Variants in DNAH7 observed in about 807,000 individuals in gnomAD.
The protein encoded by DNAH7 is axonemal beta dynein heavy chain 7.
In DNAH7, 397 loss-of-function variants were observed where a neutral mutation model predicts 444.6. That is an observed-to-expected ratio of 0.89 (90% CI 0.82 to 0.97). DNAH7 has a LOEUF of 0.97. Ranked by LOEUF, DNAH7 falls within the 50% of genes least tolerant of loss-of-function variation. DNAH7 has a pLI of 0.00. For synonymous variants in DNAH7, 1,636 were observed against 1,624.4 expected, an observed-to-expected ratio of 1.01 and a Z score of -0.17; for missense variants, 4,902 against 4,800.8, an observed-to-expected ratio of 1.02 and a Z score of -0.62.
chr2:195,767,795 G>T (rs73058236), intron 61 of DNAH7, among the ~76,000 whole-genome samples: 9,237 of 151,780 alleles, frequency 0.061, 380 homozygotes, highest in African/African-American at 0.12. Context: ...TAAAATGATT[G>T]CTCTGTATTC....
chr2:195,997,722 T>C (rs1187310605), intron 12 of DNAH7, among the ~76,000 whole-genome samples: 2 of 152,140 alleles, frequency 1.3e-5, no homozygotes, highest in African/African-American at 4.8e-5. Flanking sequence ...CTACCAAAGG[T>C]TGTGTTAAGA....
At chr2:195,795,935 T>G (rs1329861483) in intron 56 of DNAH7, 1 of 152,066 alleles carries the variant, frequency 6.6e-6, no homozygotes, top group African/African-American at 2.4e-5. Context: ...GAGTTAGGAG[T>G]GGGCTAGAGT....
chr2:195,944,222 T>C (rs997254092), intron 19 of DNAH7, among the ~76,000 whole-genome samples: 1 of 152,174 alleles, frequency 6.6e-6, no homozygotes, highest in Non-Finnish European at 1.5e-5. Context: ...CACTTCTGGA[T>C]GGTGCAAGCA....
At chr2:195,839,617 G>T (rs1421828917) in intron 47 of DNAH7, among the ~76,000 whole-genome samples, 1 of 151,600 alleles carries the variant, frequency 6.6e-6, no homozygotes, top group Non-Finnish European at 1.5e-5. Flanking sequence ...TCAAACTCTA[G>T]CCAGATTGAC....
At position 195,876,627 on chromosome 2, in the gene DNAH7, C is replaced by T; in HGVS notation, c.6034G>A (p.Ala2012Thr). The T allele has an allele frequency of 6.2e-7, 1 of 1,613,288 alleles. No homozygotes were observed. Among genetic ancestry groups the T allele is most frequent in the Non-Finnish European group, 8.5e-7 (1 of 1,179,392 alleles). ...LLINFSAQTT[A>T]AQTQNIVMSK... is the part of the protein sequence containing the mutation. ...ATGACAATATTCTGAGTTTGAGCTG[C>T]TGTAGTTTGTGCTGAGAAGTTAATT... The change falls in exon 37 of 65, where the codon GCA becomes ACA. Residue 2012 changes from alanine (A) to threonine (T), a missense_variant. Ala to Thr is a moderately conservative substitution (Grantham distance 58, BLOSUM62 0). Coordinates refer to ENST00000312428, the MANE Select transcript of DNAH7 (RefSeq NM_018897.3).
chr2:195,969,879 ATAAC>A (rs1691726440), intron 17 of DNAH7, 65 bp downstream of exon 17: 1 of 1,484,742 alleles, frequency 6.7e-7, no homozygotes. Flanking sequence ...TTAAAGGTGA[ATAAC>A]TAAAACGAAT....
intron 63 of DNAH7, among the ~76,000 whole-genome samples, chr2:195,744,000 A>G (rs1312277544): frequency 1.3e-5 from 2 of 152,206 alleles, no homozygotes; most frequent in South Asian, 2.1e-4. Context: ...AGGGAGTGCC[A>G]GACAGTGGGT....
At chr2:195,859,405 A>G (rs1054635362) in intron 42 of DNAH7, among the ~76,000 whole-genome samples, 9 of 152,196 alleles carry the variant, frequency 5.9e-5, no homozygotes, top group African/African-American at 2.2e-4. Flanking sequence ...ATATTTTAGC[A>G]TATTTTAAAA....
At chr2:195,868,271 T>C (rs1472136670) in intron 40 of DNAH7, among the ~76,000 whole-genome samples, 1 of 151,720 alleles carries the variant, frequency 6.6e-6, no homozygotes, top group Non-Finnish European at 1.5e-5. Flanking sequence ...TAATTTTTTG[T>C]ATTTTTAGTA....
At chr2:195,988,628 C>A (rs966737148) in intron 12 of DNAH7, among the ~76,000 whole-genome samples, 1 of 151,964 alleles carries the variant, frequency 6.6e-6, no homozygotes, top group Non-Finnish European at 1.5e-5. Context: ...GTGTATTGAT[C>A]AAATCAACAT....
chr2:195,900,244 A>G (rs1686615999), intron 28 of DNAH7, 38 bp downstream of exon 28: 2 of 1,602,418 alleles, frequency 1.2e-6, no homozygotes, highest in East Asian at 2.2e-5. Flanking sequence ...AAATCTACAA[A>G]TAGGAAATTT....
chr2:195,820,564 T>C (rs1315530762), intron 49 of DNAH7, among the ~76,000 whole-genome samples: 1 of 152,214 alleles, frequency 6.6e-6, no homozygotes, highest in Non-Finnish European at 1.5e-5. Context: ...TGTTTGCTCC[T>C]GATTTCATCA....
chr2:195,981,453 G>C (rs1469198253), intron 15 of DNAH7, among the ~76,000 whole-genome samples: 1 of 145,242 alleles, frequency 6.9e-6, no homozygotes, highest in African/African-American at 2.5e-5. Flanking sequence ...CTCAGAAATA[G>C]AAAAAAAAAA....
chr2:195,988,417 T>C (rs564436840), intron 12 of DNAH7, among the ~76,000 whole-genome samples, 188 bp from the exon 13 acceptor site: 3 of 152,136 alleles, frequency 2.0e-5, no homozygotes, highest in South Asian at 2.1e-4. Flanking sequence ...TTTAGGTTCA[T>C]ATAATTTTTT....
chr2:195,967,750 T>C (rs1389632604), intron 17 of DNAH7, among the ~76,000 whole-genome samples: 1 of 152,226 alleles, frequency 6.6e-6, no homozygotes, highest in East Asian at 1.9e-4. Flanking sequence ...TTTGTTTCTT[T>C]TCTCTTGCTG....
intron 51 of DNAH7, among the ~76,000 whole-genome samples, chr2:195,811,606 C>T (rs535831833): frequency 3.9e-5 from 6 of 152,264 alleles, no homozygotes; most frequent in Admixed American, 2.6e-4. Flanking sequence ...CCGCCTCAGC[C>T]TCCCCGAGTG....
intron 19 of DNAH7, among the ~76,000 whole-genome samples, chr2:195,954,904 T>A (rs1230919215): frequency 6.6e-6 from 1 of 152,164 alleles, no homozygotes; most frequent in Non-Finnish European, 1.5e-5. Context: ...GTTGGAGTTC[T>A]TTGTAGAATC....
intron 8 of DNAH7, among the ~76,000 whole-genome samples, chr2:196,023,090 A>T (rs1460434289): frequency 6.6e-6 from 1 of 152,056 alleles, no homozygotes; most frequent in African/African-American, 2.4e-5. Flanking sequence ...GTTGGGAGGT[A>T]ACTGGATCAT....
At position 195,900,397 on chromosome 2, in the gene DNAH7, G is replaced by A. The variant is rs1224025384; in HGVS notation, c.4433C>T (p.Ser1478Phe). 6.2e-7 allele frequency: 1 copy of A among 1,614,008 alleles called. No individual in the cohort carries two copies. Among genetic ancestry groups the A allele is most frequent in the Non-Finnish European group, 8.5e-7 (1 of 1,179,924 alleles). ...SCGFVTARPL[S>F]VKIVATYRLC... ...GCGATACGTAGCCACAATTTTTACA[G>A]ACAGTGGTCGAGCAGTGACAAACCC... The change falls in exon 28 of 65, where the codon TCT becomes TTT. Residue 1478 changes from serine to phenylalanine, a missense_variant. Physicochemically the swap from Ser to Phe is radical, Grantham distance 155 (BLOSUM62 -2). Transcript: ENST00000312428.
Sources: gnomAD v4.1 joint callset for allele counts (sites outside exome capture counted in the v4.1 genomes callset) on GRCh38, gnomAD v4.1.1 for gene constraint, MANE v1.5 for transcripts, NCBI Gene and HGNC (gene_info 2026-07-23, HGNC 2026-07-21) for gene names.